Variants in RBFOX1 observed in about 807,000 individuals in gnomAD.
The protein encoded by RBFOX1 is RNA binding fox-1 homolog 1.
RBFOX1 carries 8 observed loss-of-function variants against 57.7 expected under a neutral mutation model. That is an observed-to-expected ratio of 0.14 (90% CI 0.08 to 0.25). The LOEUF (loss-of-function observed/expected upper bound fraction) is 0.25. RBFOX1 is among the 10% of genes least tolerant of loss of function. RBFOX1 has a pLI of 1.00. For missense variants in RBFOX1, 611 were observed against 548.5 expected, an observed-to-expected ratio of 1.11 and a Z score of -1.14; for synonymous variants, 326 against 222.4, an observed-to-expected ratio of 1.47 and a Z score of -4.15.
At chr16:5,455,128 T>G (rs2068590912) in intron 1 of RBFOX1, among the ~76,000 whole-genome samples, 1 of 151,420 alleles carries the variant, frequency 6.6e-6, no homozygotes, top group Admixed American at 6.6e-5. Flanking sequence ...CCTTGACTGA[T>G]ATAACAGGCC....
chr16:5,377,991 T>G lies in RBFOX1; in HGVS notation c.220-89225T>G, dbSNP rs968180516. 2.6e-5 allele frequency among the ~76,000 whole-genome samples: 4 copies of G among 151,650 alleles called. 1 individual carries two copies. The highest frequency in any genetic ancestry group is 2.0e-4 in the Admixed American group (3 of 15,268). ...CTTTTATTTTTTTAAAGGCTCCTTT[T>G]AAAGCACAATGACCTTTTCCATTTT... On this transcript the variant is annotated intron_variant, in intron 1 of 2. Transcript: ENST00000585867.
chr16:6,924,567 T>C (rs895725279), intron 3 of RBFOX1, among the ~76,000 whole-genome samples: 2 of 152,080 alleles, frequency 1.3e-5, no homozygotes, highest in Admixed American at 1.3e-4. Context: ...AGAGGACACA[T>C]ATCCAAACTG....
intron 9 of RBFOX1, among the ~76,000 whole-genome samples, chr16:7,599,955 A>G (rs2094925045): frequency 6.6e-6 from 1 of 152,048 alleles, no homozygotes; most frequent in Non-Finnish European, 1.5e-5. Flanking sequence ...TCTTTTTGTT[A>G]TGAAGTAACA....
chr16:7,381,282 C>T (rs1597005457), intron 4 of RBFOX1, among the ~76,000 whole-genome samples: 1 of 152,114 alleles, frequency 6.6e-6, no homozygotes, highest in South Asian at 2.1e-4. Flanking sequence ...TTCTTGTTGT[C>T]CTTGTTGGCT....
intron 3 of RBFOX1, among the ~76,000 whole-genome samples, chr16:6,850,604 C>T (rs962234711): frequency 2.6e-5 from 4 of 152,164 alleles, no homozygotes; most frequent in Non-Finnish European, 4.4e-5. Context: ...GCACTTCTTC[C>T]CATGCCTTCC....
At chr16:6,193,696 A>C (rs112917853) in intron 1 of RBFOX1, among the ~76,000 whole-genome samples, 5 of 151,966 alleles carry the variant, frequency 3.3e-5, no homozygotes, top group Non-Finnish European at 7.4e-5. Context: ...TTCATTTTTC[A>C]GCCTGATTTT....
chr16:6,508,003 T>C lies in RBFOX1; in HGVS notation c.-63-146600T>C, dbSNP rs553969619. 6.2e-4 allele frequency among the ~76,000 whole-genome samples: 95 copies of C among 152,180 alleles called. 2 individuals carry two copies. Among genetic ancestry groups the C allele is most frequent in the South Asian group, 1.7e-3 (8 of 4,804 alleles). ...GATAGACTGGATAAAGAAAATGTGG[T>C]ACATATACATGATGGAATACTATGC... On this transcript the variant is annotated intron_variant, in intron 2 of 15. Transcript: ENST00000550418.
intron 3 of RBFOX1, among the ~76,000 whole-genome samples, chr16:6,815,342 C>G (rs764726363): frequency 1.1e-4 from 17 of 152,252 alleles, no homozygotes; most frequent in East Asian, 1.9e-4. Flanking sequence ...GAACTCCTGT[C>G]TCATCCTGTG....
At chr16:5,424,925 TTCTTTCTTTC>T (rs1196127489) in intron 1 of RBFOX1, among the ~76,000 whole-genome samples, 2 of 102,760 alleles carry the variant, frequency 1.9e-5, no homozygotes, top group East Asian at 3.0e-4. Flanking sequence ...CTTTCTTTCT[TTCTTTCTTTC>T]TCTCTCTTCT....
chr16:5,906,689 A>G (rs1345383576), intron 4 of RBFOX1, among the ~76,000 whole-genome samples: 2 of 144,252 alleles, frequency 1.4e-5, no homozygotes, highest in South Asian at 2.2e-4. Context: ...GTCGCTGACC[A>G]CACTCCCAGC....
In RBFOX1 at chr16:6,620,591, AAAAC is replaced by A. The variant is rs1194341737; in HGVS notation, c.-63-34007_-63-34004del. ...TTTAAACAACAACAATAACAACAACAAAACAAACGATTAGCTAGATGAATAAAGA... is the reference window on the plus strand; with the variant it reads ...TTTAAACAACAACAATAACAACAACAAAACGATTAGCTAGATGAATAAAGA... On this transcript the variant is annotated intron_variant, in intron 2 of 15. Coordinates refer to ENST00000550418, the MANE Select transcript of RBFOX1 (RefSeq NM_018723.4). Among the ~76,000 whole-genome samples, 3 of 152,296 alleles carry A rather than the reference AAAAC, an allele frequency of 2.0e-5. No individual in the cohort carries two copies. The East Asian group carries it at 5.8e-4, about 29-fold the overall frequency.
At position 5,946,170 on chromosome 16, in the gene RBFOX1, G is replaced by A. The variant is rs1199382052; in HGVS notation, c.351+78835G>A. Among the ~76,000 whole-genome samples, 1 of 152,172 alleles carries A rather than the reference G, an allele frequency of 6.6e-6. No individual in the cohort carries two copies. Among genetic ancestry groups the A allele is most frequent in the Non-Finnish European group, 1.5e-5 (1 of 68,034 alleles). ...TGTCCTAACATGGCAGGATGTGATG[G>A]AAAGTGCACAGACGGCCCGAGGTGG... On this transcript the variant is annotated intron_variant, in intron 4 of 19. Coordinates refer to the RBFOX1 transcript ENST00000641259. This position sits in a 1 kb window ranked among gnomAD's most constrained non-coding sequence, Gnocchi z 4.6.
intron 3 of RBFOX1, among the ~76,000 whole-genome samples, chr16:6,785,112 C>T (rs913680380): frequency 1.3e-5 from 2 of 151,846 alleles, no homozygotes; most frequent in South Asian, 4.2e-4. Context: ...TGGTTCCTTC[C>T]AAAAATATTC....
At chr16:5,913,293 G>A (rs561915773) in intron 4 of RBFOX1, among the ~76,000 whole-genome samples, 10 of 152,260 alleles carry the variant, frequency 6.6e-5, no homozygotes, top group Non-Finnish European at 7.3e-5. Flanking sequence ...TTCGACCCAC[G>A]CAGGGGTTGA....
chr16:5,421,622 G>A (rs1490832041), intron 1 of RBFOX1, among the ~76,000 whole-genome samples: 4 of 152,110 alleles, frequency 2.6e-5, no homozygotes, highest in Non-Finnish European at 4.4e-5. Flanking sequence ...CCCCCACCCC[G>A]GGAGGACCTG....
chr16:6,675,095 G>A (rs969298860), intron 3 of RBFOX1, among the ~76,000 whole-genome samples: 2 of 151,900 alleles, frequency 1.3e-5, no homozygotes, highest in African/African-American at 2.4e-5. Flanking sequence ...TTGTAGAGAT[G>A]GGGTTTCACC....
In RBFOX1 at chr16:5,955,118, TAAAAAAAA is replaced by T. The variant is rs34488881; in HGVS notation, c.351+87803_351+87810del. ...CAACAGGGTGAAACTCCATCTCTAC[TAAAAAAAA>T]AAAAAAAAAAAAAAAAAAAGCCAGG... On this transcript the variant is annotated intron_variant, in intron 4 of 19. Transcript: ENST00000641259. Among the ~76,000 whole-genome samples the T allele has an allele frequency of 4.1e-3, 58 of 14,290 alleles. 1 individual carries two copies. The highest frequency in any genetic ancestry group is 5.3e-3 in the Non-Finnish European group (49 of 9,232). The allele number at this position is 14,290 out of a possible 152,430, so 9.4% of individuals were successfully genotyped here.
At chr16:7,387,454 C>G (rs887707427) in intron 4 of RBFOX1, among the ~76,000 whole-genome samples, 1 of 152,150 alleles carries the variant, frequency 6.6e-6, no homozygotes, top group African/African-American at 2.4e-5. Flanking sequence ...CCCTGTCTTC[C>G]AAATGCATAG....
At chr16:5,587,174 G>C (rs2046861295) in intron 2 of RBFOX1, among the ~76,000 whole-genome samples, 1 of 152,186 alleles carries the variant, frequency 6.6e-6, no homozygotes, top group African/African-American at 2.4e-5. Context: ...TGAGTTGGGA[G>C]AGTATATATG....
Sources: allele counts gnomAD v4.1 joint callset (sites outside exome capture counted in the v4.1 genomes callset), GRCh38; gene constraint gnomAD v4.1.1; non-coding constraint Gnocchi (gnomAD v3.1); transcripts MANE v1.5; gene names NCBI Gene and HGNC (gene_info 2026-07-23, HGNC 2026-07-21).